Variants in RARS2 observed in about 807,000 individuals in gnomAD.
RARS2 encodes probable arginine--tRNA ligase, mitochondrial.
Under a neutral mutation model 88.5 loss-of-function variants are expected in RARS2, and 67 were observed. The observed-to-expected ratio is 0.76, with a 90% CI of 0.62 to 0.93. The LOEUF (loss-of-function observed/expected upper bound fraction) is 0.93, where lower values mean the gene tolerates loss of function less well. Among genes scored for constraint, RARS2 ranks in the 40% least tolerant of loss-of-function variants. RARS2 has a pLI of 0.00. For missense variants in RARS2, 664 were observed against 684.2 expected (o/e 0.97, Z 0.33); for synonymous variants, 239 against 230.3 (o/e 1.04, Z -0.34).
intron 4 of RARS2, among the ~76,000 whole-genome samples, chr6:87,559,824 C>A (rs1426595415): frequency 2.0e-5 from 3 of 152,208 alleles, no homozygotes; most frequent in Admixed American, 6.5e-5. Flanking sequence ...CCCAGAGCAA[C>A]TTCCAGTCCT....
intron 1 of RARS2, 107 bp from the exon 2 acceptor site, chr6:87,569,697 GC>G: frequency 2.4e-6 from 2 of 836,774 alleles, no homozygotes; most frequent in Non-Finnish European, 4.0e-6. Context: ...ACACGAATGA[GC>G]TCCAAATGCA....
At chr6:87,521,763 A>G (rs1378785762) in intron 11 of RARS2, among the ~76,000 whole-genome samples, 2 of 152,138 alleles carry the variant, frequency 1.3e-5, no homozygotes, top group Admixed American at 1.3e-4. Context: ...ATAAATATAA[A>G]TAAATAAAAT....
At chr6:87,535,671 G>GTTTT (rs33991266) in intron 8 of RARS2, among the ~76,000 whole-genome samples, 19 of 129,970 alleles carry the variant, frequency 1.5e-4, no homozygotes, top group South Asian at 2.4e-4. Flanking sequence ...TTATGTAACT[G>GTTTT]TTTTGTTTTT....
chr6:87,573,652 T>C (rs1424711261), intron 1 of RARS2, among the ~76,000 whole-genome samples: 1 of 151,954 alleles, frequency 6.6e-6, no homozygotes, highest in Non-Finnish European at 1.5e-5. Context: ...ATGGCTAAGA[T>C]GGTAAATTTT....
intron 1 of RARS2, among the ~76,000 whole-genome samples, chr6:87,571,610 G>A (rs1187151196): frequency 6.6e-6 from 1 of 152,136 alleles, no homozygotes; most frequent in Non-Finnish European, 1.5e-5. Context: ...GGAATGATGG[G>A]GGAAACAGAA....
At chr6:87,547,719 A>G (rs1783001008) in intron 6 of RARS2, among the ~76,000 whole-genome samples, 1 of 151,638 alleles carries the variant, frequency 6.6e-6, no homozygotes, top group East Asian at 1.9e-4. Context: ...AGCTCACTGC[A>G]ACCTCTGCCT....
intron 8 of RARS2, among the ~76,000 whole-genome samples, chr6:87,540,213 G>C (rs1025071638): frequency 1.3e-5 from 2 of 151,848 alleles, no homozygotes; most frequent in Non-Finnish European, 2.9e-5. Context: ...ACTTTGGGAG[G>C]CCGAGGTGGG....
At chr6:87,563,538 ACT>A (rs1280880697) in intron 3 of RARS2, among the ~76,000 whole-genome samples, 2 of 152,126 alleles carry the variant, frequency 1.3e-5, no homozygotes, top group Non-Finnish European at 2.9e-5. Context: ...CCAGACACTG[ACT>A]CTGTGGATGT....
At chr6:87,540,292 T>C (rs1442532861) in intron 8 of RARS2, among the ~76,000 whole-genome samples, 1 of 148,646 alleles carries the variant, frequency 6.7e-6, no homozygotes, top group Non-Finnish European at 1.5e-5. Context: ...TACTAAAAAA[T>C]ACAAAAAAAA....
chr6:87,575,258 CA>C (rs1231027389), intron 1 of RARS2, among the ~76,000 whole-genome samples: 6 of 147,948 alleles, frequency 4.1e-5, no homozygotes, highest in Non-Finnish European at 8.9e-5. Flanking sequence ...CACACACACA[CA>C]CACACACACA....
intron 8 of RARS2, among the ~76,000 whole-genome samples, chr6:87,532,533 T>C (rs1777842677): frequency 6.6e-6 from 1 of 152,222 alleles, no homozygotes; most frequent in South Asian, 2.1e-4. Context: ...ACATTTCACA[T>C]GTATTCTCAT....
chr6:87,540,696 C>T (rs1248421070), intron 8 of RARS2, among the ~76,000 whole-genome samples: 7 of 152,030 alleles, frequency 4.6e-5, no homozygotes, highest in South Asian at 4.1e-4. Context: ...GGCCCAGAAA[C>T]GGCAGAGATA....
chr6:87,575,101 A>G (rs1184100815), intron 1 of RARS2, among the ~76,000 whole-genome samples: 1 of 152,046 alleles, frequency 6.6e-6, no homozygotes, highest in African/African-American at 2.4e-5. Context: ...CATAAACTTC[A>G]AAAGAGATCT....
At chr6:87,552,582 C>T (rs747041240) in intron 5 of RARS2, among the ~76,000 whole-genome samples, 1 of 152,032 alleles carries the variant, frequency 6.6e-6, no homozygotes, top group Non-Finnish European at 1.5e-5. Context: ...AAAAAGCCTA[C>T]AGAATACAAC....
chr6:87,548,577 A>C lies in RARS2; in HGVS notation c.451+14T>G. ...AAGGAACGTTTAGCATTTTATGTGA[A>C]ACTAAACACTTACCTATGATGGTAG... is the stretch of plus-strand genomic sequence containing the variant. On this transcript the variant is annotated intron_variant, in intron 6 of 19. Coordinates refer to ENST00000369536, the MANE Select transcript of RARS2 (RefSeq NM_020320.5). 1 of 1,610,572 alleles carries C rather than the reference A, an allele frequency of 6.2e-7. No homozygotes were observed. Among genetic ancestry groups the C allele is most frequent in the Non-Finnish European group, 8.5e-7 (1 of 1,177,698 alleles).
At chr6:87,527,666 G>A (rs1776193395) in intron 10 of RARS2, among the ~76,000 whole-genome samples, 1 of 151,796 alleles carries the variant, frequency 6.6e-6, no homozygotes, top group South Asian at 2.1e-4. Context: ...CTGGTAAGGG[G>A]TTAATGTGAA....
chr6:87,559,472 A>C (rs1202582357), intron 4 of RARS2, among the ~76,000 whole-genome samples: 5 of 70,140 alleles, frequency 7.1e-5, no homozygotes, highest in African/African-American at 1.9e-4. Context: ...TCAAAAAAAA[A>C]AAAAAAAAAA....
intron 5 of RARS2, 47 bp downstream of exon 5, chr6:87,555,361 G>A: frequency 2.1e-6 from 3 of 1,430,098 alleles, no homozygotes; most frequent in South Asian, 2.3e-5. Flanking sequence ...ACACTCCTCT[G>A]CCCAGTCAAC....
chr6:87,526,769 C>T (rs1775871469), intron 10 of RARS2, among the ~76,000 whole-genome samples: 1 of 150,988 alleles, frequency 6.6e-6, no homozygotes, highest in Non-Finnish European at 1.5e-5. Flanking sequence ...CTCCCGGGTT[C>T]AAGTGATTCT....
Sources: allele counts gnomAD v4.1 joint callset (sites outside exome capture counted in the v4.1 genomes callset), GRCh38; gene constraint gnomAD v4.1.1; transcripts MANE v1.5; gene names NCBI Gene and HGNC (gene_info 2026-07-23, HGNC 2026-07-21).